The following TBCD variants were observed in gnomAD, a reference collection of about 807,000 sequenced individuals.
TBCD encodes tubulin-specific chaperone D.
TBCD carries 105 observed loss-of-function variants against 169.3 expected under a neutral mutation model. The ratio of observed to expected loss-of-function variants is 0.62; its 90% CI spans 0.53 to 0.73. The LOEUF is 0.73. Ranked by LOEUF, TBCD falls within the 30% of genes least tolerant of loss-of-function variation. The probability of loss-of-function intolerance (pLI) is 0.00; values close to 1 mark genes in which losing one functional copy is unlikely to be tolerated. For synonymous variants in TBCD, 700 were observed against 643.9 expected (o/e 1.09, Z -1.32); for missense variants, 1,444 against 1,600.1 (o/e 0.90, Z 1.66).
At position 82,880,196 on chromosome 17, in the gene TBCD, T is replaced by A. The variant is rs1053997215; in HGVS notation, c.1476-3949T>A. Among the ~76,000 whole-genome samples the A allele has an allele frequency of 1.3e-5, 2 of 152,158 alleles. No individual in the cohort carries two copies. The highest frequency in any genetic ancestry group is 4.8e-5 in the African/African-American group (2 of 41,418). ...CCTTACCTGTCTACTTATCAGTCTG[T>A]CTAGATGGGGTCTCGCTGTGTTGCC... On this transcript the variant is annotated intron_variant, in intron 14 of 38. Transcript: ENST00000355528. The surrounding 1 kb of genome is among the most constrained non-coding windows in gnomAD (Gnocchi z 5.0).
At chr17:82,927,594 A>T (rs1448445118) in intron 29 of TBCD, among the ~76,000 whole-genome samples, 1 of 152,100 alleles carries the variant, frequency 6.6e-6, no homozygotes, top group African/African-American at 2.4e-5. Flanking sequence ...CTTCAATGAA[A>T]GGCTGCCGGC....
At chr17:82,926,352 A>C in intron 27 of TBCD, 48 bp from the exon 28 acceptor site, 1 of 1,578,950 alleles carries the variant, frequency 6.3e-7, no homozygotes, top group Non-Finnish European at 8.7e-7. Context: ...TAAAGAGTGC[A>C]CTTTGTTATA....
intron 5 of TBCD, 103 bp from the exon 6 acceptor site, chr17:82,772,348 TG>T: frequency 8.4e-7 from 1 of 1,195,376 alleles, no homozygotes; most frequent in Non-Finnish European, 1.2e-6. Context: ...TTTGTGAACC[TG>T]GGCCCTCGGG....
chr17:82,865,351 C>T (rs2057092674), intron 13 of TBCD: 2 of 622,800 alleles, frequency 3.2e-6, no homozygotes, highest in Non-Finnish European at 2.0e-6. Flanking sequence ...GGGCTCTGCA[C>T]CGGCAGGCTC....
chr17:82,891,080 C>T (rs768782659), intron 16 of TBCD, among the ~76,000 whole-genome samples: 11 of 152,200 alleles, frequency 7.2e-5, no homozygotes, highest in Non-Finnish European at 1.3e-4. Flanking sequence ...TGGGTGGGCC[C>T]TGGGGCGCAC....
At chr17:82,906,093 C>A in intron 20 of TBCD, 40 bp downstream of exon 20, 1 of 1,453,726 alleles carries the variant, frequency 6.9e-7, no homozygotes, top group South Asian at 1.2e-5. Context: ...GGGCTCTGTC[C>A]CTGATCCCCT....
At chr17:82,866,274 G>C (rs2057165176) in intron 13 of TBCD, among the ~76,000 whole-genome samples, 1 of 152,148 alleles carries the variant, frequency 6.6e-6, no homozygotes, top group Non-Finnish European at 1.5e-5. Flanking sequence ...CCGAGCAGGA[G>C]AAGCAGTCCT....
In TBCD at chr17:82,831,664, C is replaced by T; in HGVS notation, c.1318+16730C>T. 1 of 1,614,138 alleles carries T rather than the reference C, an allele frequency of 6.2e-7. No homozygotes were observed. Among genetic ancestry groups the T allele is most frequent in the East Asian group, 2.2e-5 (1 of 44,884 alleles). On this transcript the variant is annotated intron_variant, in intron 13 of 38. Coordinates refer to ENST00000355528, the MANE Select transcript of TBCD (RefSeq NM_005993.5). This position sits in a 1 kb window ranked among gnomAD's most constrained non-coding sequence, Gnocchi z 4.6. ...CAGGGGTGCGTCACACTCAGGCGAG[C>T]TCCCAGCCAGCAGGTAAGGCGAGTA... is the stretch of plus-strand genomic sequence containing the variant.
intron 17 of TBCD, among the ~76,000 whole-genome samples, chr17:82,899,935 A>G (rs985721346): frequency 6.6e-6 from 1 of 152,160 alleles, no homozygotes; most frequent in African/African-American, 2.4e-5. Flanking sequence ...TTATGTACAA[A>G]TTTTGTATCA....
At position 82,907,793 on chromosome 17, in the gene TBCD, T is replaced by C; in HGVS notation, c.1955T>C (p.Val652Ala). The change falls in exon 21 of 39, where the codon GTG becomes GCG. Residue 652 changes from valine (V) to alanine (A), a missense_variant. By Grantham distance (64) the Val-to-Ala change is moderately conservative. Coordinates refer to ENST00000355528, the MANE Select transcript of TBCD (RefSeq NM_005993.5). ...PVTDHLDEQA[V>A]QGLKQIHQQL... ...ACGGACCATCTGGACGAGCAGGCAG[T>C]GCAGGGCCTGAAGCAGATTCACCAG... The C allele has an allele frequency of 1.2e-6, 2 of 1,613,730 alleles. No homozygotes were observed. Among genetic ancestry groups the C allele is most frequent in the Non-Finnish European group, 1.7e-6 (2 of 1,179,796 alleles).
Position 82,807,687 on chromosome 17 carries a change from A to G in TBCD, c.1148+19A>G. On this transcript the variant is annotated intron_variant, in intron 11 of 38. Transcript: ENST00000355528. ...CCAAGGGGTAGGTGTCTGTGGCCGC[A>G]GAAGCACCCCGGGGGGTGGGCCGGC... 6.9e-7 allele frequency: 1 copy of G among 1,459,754 alleles called. No individual in the cohort carries two copies. Among genetic ancestry groups the G allele is most frequent in the Non-Finnish European group, 9.1e-7 (1 of 1,098,118 alleles). 90.4% of individuals were successfully genotyped at this position (1,459,754 alleles called of 1,614,324 possible).
In TBCD at chr17:82,939,384, C is replaced by T. The variant is rs1409731138; in HGVS notation, c.3387C>T (p.Ala1129=). 8.1e-6 allele frequency: 13 copies of T among 1,612,546 alleles called. No homozygotes were observed. The highest frequency in any genetic ancestry group is 2.2e-5 in the East Asian group (1 of 44,878). The stretch of plus-strand genomic sequence containing the variant: ...TGTCCCAGATCCGGAAGACCACGGC[C>T]AGCCAGGTGTACGAGACATTGCTCA... ...HRFPLIRKTT[A]SQVYETLLTY... is the part of the protein sequence containing the mutation. The change falls in exon 37 of 39, where the codon GCC becomes GCT. Residue 1129 remains alanine (A), a synonymous_variant. Coordinates refer to ENST00000355528, the MANE Select transcript of TBCD (RefSeq NM_005993.5).
intron 7 of TBCD, among the ~76,000 whole-genome samples, chr17:82,787,677 C>T (rs1357447387): frequency 2.0e-5 from 3 of 152,202 alleles, no homozygotes; most frequent in Non-Finnish European, 2.9e-5. Flanking sequence ...TCATTGTCAT[C>T]CACCTGTTCA....
intron 8 of TBCD, among the ~76,000 whole-genome samples, chr17:82,799,441 CAAAAAA>C (rs61017445): frequency 1.4e-5 from 1 of 72,620 alleles, no homozygotes; most frequent in Non-Finnish European, 2.5e-5. Context: ...GACTCTGTCT[CAAAAAA>C]AAAAAAAAAA....
chr17:82,755,877 ACT>A (rs1201917140), intron 1 of TBCD, among the ~76,000 whole-genome samples: 1 of 151,928 alleles, frequency 6.6e-6, no homozygotes, highest in Non-Finnish European at 1.5e-5. Context: ...CGAGGAGGAG[ACT>A]CTGTTAGGAA....
chr17:82,932,558 T>C, intron 33 of TBCD, 100 bp from the exon 34 acceptor site: 4 of 894,568 alleles, frequency 4.5e-6, no homozygotes, highest in South Asian at 4.2e-5. Flanking sequence ...TAAAGGGGGC[T>C]TGTCGCTTTC....
chr17:82,897,903 G>A (rs868547277), intron 17 of TBCD, among the ~76,000 whole-genome samples: 7 of 151,226 alleles, frequency 4.6e-5, no homozygotes, highest in South Asian at 2.1e-4. Context: ...TGTTCTCCCC[G>A]GCTGGTTTTC....
intron 2 of TBCD, among the ~76,000 whole-genome samples, chr17:82,760,363 T>C (rs2047690692): frequency 6.6e-6 from 1 of 152,248 alleles, no homozygotes; most frequent in African/African-American, 2.4e-5. Context: ...TTAATTTTCA[T>C]GTCTAAGATC....
At position 82,806,496 on chromosome 17, in the gene TBCD, G is replaced by A. The variant is rs759169316; in HGVS notation, c.1087+485G>A. 6.6e-6 allele frequency among the ~76,000 whole-genome samples: 1 copy of A among 152,016 alleles called. No homozygotes were observed. Among genetic ancestry groups the A allele is most frequent in the Non-Finnish European group, 1.5e-5 (1 of 68,000 alleles). On this transcript the variant is annotated intron_variant, in intron 10 of 38. Coordinates refer to ENST00000355528, the MANE Select transcript of TBCD (RefSeq NM_005993.5). This position sits in a 1 kb window ranked among gnomAD's most constrained non-coding sequence, Gnocchi z 5.1. ...GCTGCACAGAGACAGAGCCATCAGC[G>A]GAGCCCCTCATGGCGGCCATCCTGG...
Sources: gnomAD v4.1 joint callset for allele counts (sites outside exome capture counted in the v4.1 genomes callset) on GRCh38, gnomAD v4.1.1 for gene constraint, Gnocchi (gnomAD v3.1) non-coding constraint, MANE v1.5 for transcripts, NCBI Gene and HGNC (gene_info 2026-07-23, HGNC 2026-07-21) for gene names.